The following SLC44A5 variants were observed in gnomAD, a reference collection of about 807,000 sequenced individuals.
The protein encoded by SLC44A5 is solute carrier family 44 member 5.
A neutral mutation model predicts 101.8 loss-of-function variants in SLC44A5; 57 were observed. That is an observed-to-expected ratio of 0.56 (90% CI 0.45 to 0.70). The LOEUF is 0.70. Among genes scored for constraint, SLC44A5 ranks in the 30% least tolerant of loss-of-function variants. SLC44A5 has a pLI of 0.00. For synonymous variants in SLC44A5, 281 were observed against 290.9 expected (o/e 0.97, Z 0.35); for missense variants, 737 against 853.1 (o/e 0.86, Z 1.70).
intron 3 of SLC44A5, among the ~76,000 whole-genome samples, chr1:75,351,341 G>A (rs1212531909): frequency 9.2e-5 from 14 of 151,926 alleles, no homozygotes; most frequent in Non-Finnish European, 1.5e-5. Flanking sequence ...TCAATAAATG[G>A]TGGTAGGACG....
rs181489248 is a variant in SLC44A5 at position 75,304,888 on chromosome 1, T to C, written c.102-4203A>G. ...AGTTACAGAGACAGTTGCCCAACTC[T>C]CTCCCTCACCCTCCCTCCAAATCAA... is the stretch of plus-strand genomic sequence containing the variant. On this transcript the variant is annotated intron_variant, in intron 4 of 23. Transcript: ENST00000370859. 5.9e-5 allele frequency among the ~76,000 whole-genome samples: 9 copies of C among 152,186 alleles called. No homozygotes were observed. The East Asian group carries it at 1.7e-3, about 29-fold the overall frequency.
intron 6 of SLC44A5, among the ~76,000 whole-genome samples, chr1:75,270,749 TTGAG>T (rs1259364998): frequency 5.9e-5 from 9 of 152,136 alleles, no homozygotes; most frequent in East Asian, 1.9e-4. Context: ...TCACATATTG[TTGAG>T]TATCTGTGTA....
chr1:75,615,448 C>CAT (rs1675836759), upstream of SLC44A5, among the ~76,000 whole-genome samples: 1 of 31,174 alleles, frequency 3.2e-5, no homozygotes, highest in Non-Finnish European at 1.5e-4. Flanking sequence ...CACACACACA[C>CAT]ACACACACAC....
At chr1:75,461,370 G>T (rs997869626) in intron 2 of SLC44A5, among the ~76,000 whole-genome samples, 1 of 152,030 alleles carries the variant, frequency 6.6e-6, no homozygotes, top group Non-Finnish European at 1.5e-5. Context: ...CTTCACACAC[G>T]TGTTATCTTA....
chr1:75,331,596 G>C (rs993177915), intron 4 of SLC44A5, among the ~76,000 whole-genome samples: 5 of 152,140 alleles, frequency 3.3e-5, no homozygotes, highest in African/African-American at 1.2e-4. Context: ...CCACAGAGCA[G>C]TCAGGATGAG....
intron 2 of SLC44A5, among the ~76,000 whole-genome samples, chr1:75,426,181 G>C (rs995622660): frequency 6.6e-6 from 1 of 152,190 alleles, no homozygotes; most frequent in African/African-American, 2.4e-5. Context: ...CACAGGGGAG[G>C]AGAGGAACTA....
intron 3 of SLC44A5, among the ~76,000 whole-genome samples, chr1:75,383,850 C>T (rs1361784164): frequency 6.6e-6 from 1 of 152,162 alleles, no homozygotes; most frequent in Non-Finnish European, 1.5e-5. Flanking sequence ...AGACTAACAG[C>T]AGATCTCTCA....
intron 3 of SLC44A5, among the ~76,000 whole-genome samples, chr1:75,350,893 CAAA>C (rs11292382): frequency 1.3e-4 from 10 of 79,856 alleles, no homozygotes; most frequent in Admixed American, 2.3e-4. Flanking sequence ...GACTCCATCT[CAAA>C]AAAAAAAAAA....
intron 2 of SLC44A5, among the ~76,000 whole-genome samples, chr1:75,442,396 T>C (rs189217045): frequency 1.3e-5 from 2 of 152,080 alleles, no homozygotes; most frequent in African/African-American, 4.8e-5. Flanking sequence ...TAACCTTGAG[T>C]CAGGTTCCTC....
intron 3 of SLC44A5, among the ~76,000 whole-genome samples, chr1:75,394,581 G>A (rs999898572): frequency 3.3e-5 from 5 of 152,132 alleles, no homozygotes; most frequent in African/African-American, 4.8e-5. Flanking sequence ...ACCCTTCCCT[G>A]TAACAGAAGA....
intron 4 of SLC44A5, among the ~76,000 whole-genome samples, chr1:75,302,041 T>C (rs1654487140): frequency 6.6e-6 from 1 of 151,470 alleles, no homozygotes; most frequent in African/African-American, 2.4e-5. Flanking sequence ...CCCAGGAATT[T>C]TTAATTTCAT....
intron 2 of SLC44A5, among the ~76,000 whole-genome samples, chr1:75,457,761 G>C (rs1175140645): frequency 6.6e-6 from 1 of 152,130 alleles, no homozygotes; most frequent in Non-Finnish European, 1.5e-5. Flanking sequence ...GGAGGCTGAG[G>C]CAGGAAAATA....
intron 2 of SLC44A5, chr1:75,398,557 G>T: frequency 9.7e-6 from 2 of 205,582 alleles, no homozygotes; most frequent in African/African-American, 2.4e-5. Context: ...CTAGGCTGGT[G>T]AAAATATTTG....
chr1:75,579,514 A>C (rs1673562237), intron 1 of SLC44A5, among the ~76,000 whole-genome samples: 1 of 151,758 alleles, frequency 6.6e-6, no homozygotes, highest in Non-Finnish European at 1.5e-5. Context: ...CCCTAAGCAA[A>C]ATATTTCAAG....
intron 4 of SLC44A5, among the ~76,000 whole-genome samples, chr1:75,338,831 T>C (rs1657650813): frequency 6.6e-6 from 1 of 152,170 alleles, no homozygotes; most frequent in African/African-American, 2.4e-5. Context: ...TGCTGATCGC[T>C]AGTTCACATC....
At chr1:75,236,789 C>T (rs1648123296) in intron 11 of SLC44A5, among the ~76,000 whole-genome samples, 198 bp downstream of exon 11, 1 of 152,010 alleles carries the variant, frequency 6.6e-6, no homozygotes, top group African/African-American at 2.4e-5. Flanking sequence ...CAACAGTGGG[C>T]ATATTTCCAA....
At chr1:75,247,586 T>A (rs1308723927) in intron 7 of SLC44A5, among the ~76,000 whole-genome samples, 1 of 151,988 alleles carries the variant, frequency 6.6e-6, no homozygotes, top group Non-Finnish European at 1.5e-5. Flanking sequence ...CCAAGCTTCT[T>A]GTGGGAGGGA....
At chr1:75,287,207 T>G (rs1653126138) in intron 5 of SLC44A5, among the ~76,000 whole-genome samples, 1 of 152,174 alleles carries the variant, frequency 6.6e-6, no homozygotes, top group South Asian at 2.1e-4. Context: ...AAGCTCTTTC[T>G]TCTACTTTTT....
At chr1:75,415,619 AG>A (rs1414424194) in intron 2 of SLC44A5, among the ~76,000 whole-genome samples, 11 of 152,350 alleles carry the variant, frequency 7.2e-5, no homozygotes, top group Admixed American at 7.2e-4. Context: ...AACAGTTTAG[AG>A]GGCTCAGAGG....
Sources: allele counts gnomAD v4.1 joint callset (sites outside exome capture counted in the v4.1 genomes callset), GRCh38; gene constraint gnomAD v4.1.1; transcripts MANE v1.5; gene names NCBI Gene and HGNC (gene_info 2026-07-23, HGNC 2026-07-21).